The following SIPA1L1 variants were observed in gnomAD, a reference collection of about 807,000 sequenced individuals.
The protein encoded by SIPA1L1 is signal-induced proliferation-associated 1-like protein 1.
A neutral mutation model predicts 162.7 loss-of-function variants in SIPA1L1; 26 were observed. The observed-to-expected ratio is 0.16, with a 90% CI of 0.12 to 0.22. The LOEUF is 0.22. SIPA1L1 is among the 10% of genes least tolerant of loss of function. The probability of loss-of-function intolerance (pLI) is 1.00; values close to 1 mark genes in which losing one functional copy is unlikely to be tolerated. For missense variants in SIPA1L1, 1,874 were observed against 2,241.0 expected (o/e 0.84, Z 3.31); for synonymous variants, 829 against 837.4 (o/e 0.99, Z 0.17).
intron 7 of SIPA1L1, among the ~76,000 whole-genome samples, chr14:71,636,976 G>T (rs561300905): frequency 6.6e-6 from 1 of 151,274 alleles, no homozygotes; most frequent in South Asian, 2.1e-4. Context: ...ATTTGAACCC[G>T]GGAGGCAGGG....
intron 4 of SIPA1L1, chr14:71,586,159 C>CCACA (rs2034570564): frequency 1.3e-5 from 2 of 151,790 alleles, no homozygotes; most frequent in South Asian, 4.2e-4. Context: ...CTGAATGGCT[C>CCACA]CACAGACTCA....
At chr14:71,591,747 G>T (rs1371366850) in intron 5 of SIPA1L1, among the ~76,000 whole-genome samples, 1 of 152,174 alleles carries the variant, frequency 6.6e-6, no homozygotes, top group Non-Finnish European at 1.5e-5. Context: ...ATTCTTAATT[G>T]TGTTAATAGG....
chr14:71,593,217 T>A (rs757507806), intron 5 of SIPA1L1, among the ~76,000 whole-genome samples: 37 of 151,954 alleles, frequency 2.4e-4, no homozygotes, highest in Non-Finnish European at 4.3e-4. Flanking sequence ...ATTTATTTAT[T>A]TATTTATTTA....
chr14:71,722,696 C>T (rs948747643), intron 17 of SIPA1L1, among the ~76,000 whole-genome samples: 1 of 152,164 alleles, frequency 6.6e-6, no homozygotes, highest in Non-Finnish European at 1.5e-5. Flanking sequence ...TCTTGAAACC[C>T]CAGAGTTTTG....
At chr14:71,656,977 G>A (rs2043111373) in intron 8 of SIPA1L1, among the ~76,000 whole-genome samples, 1 of 152,222 alleles carries the variant, frequency 6.6e-6, no homozygotes, top group African/African-American at 2.4e-5. Flanking sequence ...CAGAACTACT[G>A]TTGCCTTTTG....
At chr14:71,328,863 A>G (rs1408912699) in intron 2 of SIPA1L1, among the ~76,000 whole-genome samples, 4 of 152,212 alleles carry the variant, frequency 2.6e-5, no homozygotes, top group Non-Finnish European at 4.4e-5. Context: ...TCACCTTGTC[A>G]TGAAACAGAT....
In SIPA1L1 at chr14:71,622,250, A is replaced by G. The variant is rs187314941; in HGVS notation, c.1630-1798A>G. On this transcript the variant is annotated intron_variant, in intron 6 of 23. Transcript: ENST00000381232. ...CATTGCAAAACATAAAAGAAGATAT[A>G]TACCTTTGTAGGCATGGCAGTTTGT... Among the ~76,000 whole-genome samples the G allele has an allele frequency of 7.8e-4, 119 of 152,382 alleles. 1 individual carries two copies. Among genetic ancestry groups the G allele is most frequent in the African/African-American group, 2.6e-3 (107 of 41,584 alleles).
intron 12 of SIPA1L1, among the ~76,000 whole-genome samples, chr14:71,679,801 G>C (rs2045608842): frequency 6.6e-6 from 1 of 152,130 alleles, no homozygotes. Flanking sequence ...TGATAAAACA[G>C]ACTTTAAACC....
chr14:71,391,400 C>T (rs542452125), intron 2 of SIPA1L1, among the ~76,000 whole-genome samples: 31 of 152,298 alleles, frequency 2.0e-4, no homozygotes, highest in South Asian at 2.1e-4. Flanking sequence ...ACACCGCTCC[C>T]GGCCGCATTC....
rs866790456 is a variant in SIPA1L1, at chr14:71,587,470, C to G, written c.-302-101C>G. On this transcript the variant is annotated intron_variant, in intron 4 of 23. Coordinates refer to ENST00000381232, the MANE Select transcript of SIPA1L1 (RefSeq NM_001386936.1). ...GATTGTGGAACTGTGAATCCTAATCCATTATTGAGTCTTTTATCTTCATGT... is the reference window on the plus strand; with the variant it reads ...GATTGTGGAACTGTGAATCCTAATCGATTATTGAGTCTTTTATCTTCATGT... The G allele has an allele frequency of 1.3e-5, 5 of 397,710 alleles. No homozygotes were observed. In the South Asian group the frequency reaches 6.6e-4, roughly 53 times the overall value. The allele number at this position is 397,710 out of a possible 1,614,324, so 24.6% of individuals were successfully genotyped here. A position where few individuals can be genotyped will look rare whatever the true frequency, so the allele number is the denominator to read the frequency against.
In SIPA1L1 at chr14:71,544,330, A is replaced by G. The variant is rs898665601; in HGVS notation, c.-303+14960A>G. Among the ~76,000 whole-genome samples the G allele has an allele frequency of 2.6e-5, 4 of 151,608 alleles. No homozygotes were observed. The East Asian group carries it at 5.8e-4, about 22-fold the overall frequency. ...TGTATATACATATATGTATATACAT[A>G]TATCATGTGTGTGTATATACATGTA... On this transcript the variant is annotated intron_variant, in intron 4 of 23. Coordinates refer to ENST00000381232, the MANE Select transcript of SIPA1L1 (RefSeq NM_001386936.1).
At chr14:71,625,302 C>CTTT (rs550881711) in intron 7 of SIPA1L1, among the ~76,000 whole-genome samples, 2 of 142,648 alleles carry the variant, frequency 1.4e-5, no homozygotes, top group Non-Finnish European at 1.5e-5. Flanking sequence ...TCTCTCTTCT[C>CTTT]TTTTTTTTTT....
intron 14 of SIPA1L1, among the ~76,000 whole-genome samples, chr14:71,701,225 G>A (rs2082078806): frequency 6.6e-6 from 1 of 151,856 alleles, no homozygotes; most frequent in South Asian, 2.1e-4. Flanking sequence ...TTTATCTCCT[G>A]CCTTTCTGTG....
intron 8 of SIPA1L1, among the ~76,000 whole-genome samples, chr14:71,654,069 A>G (rs2042859288): frequency 6.6e-6 from 1 of 152,212 alleles, no homozygotes; most frequent in African/African-American, 2.4e-5. Flanking sequence ...ATGCATTATC[A>G]TCATATTCAT....
At chr14:71,701,847 T>C (rs959696601) in intron 14 of SIPA1L1, among the ~76,000 whole-genome samples, 18 of 152,346 alleles carry the variant, frequency 1.2e-4, no homozygotes, top group African/African-American at 3.8e-4. Context: ...GAACGTGGTT[T>C]CTACATGATC....
chr14:71,483,602 C>T (rs556766492), intron 2 of SIPA1L1, among the ~76,000 whole-genome samples: 5 of 152,166 alleles, frequency 3.3e-5, no homozygotes, highest in Non-Finnish European at 7.3e-5. Flanking sequence ...GTTTCTGTAG[C>T]CTTATCCTTG....
intron 16 of SIPA1L1, among the ~76,000 whole-genome samples, chr14:71,708,148 T>C (rs2082611704): frequency 6.6e-6 from 1 of 151,664 alleles, no homozygotes; most frequent in Non-Finnish European, 1.5e-5. Flanking sequence ...TTTTCTTTTG[T>C]TTCATATGCT....
At chr14:71,599,741 A>G (rs775889977) in intron 5 of SIPA1L1, among the ~76,000 whole-genome samples, 6 of 152,210 alleles carry the variant, frequency 3.9e-5, no homozygotes, top group Middle Eastern at 3.4e-3. Flanking sequence ...TCAACAGTGT[A>G]TGAGTTCCCT....
In SIPA1L1 at chr14:71,616,475, C is replaced by T. The variant is rs113389840; in HGVS notation, c.1499-2282C>T. On this transcript the variant is annotated intron_variant, in intron 5 of 23. Transcript: ENST00000381232. Reference sequence around the variant, plus strand: ...GGAGTTGAGAATAAATGTGAGTTTACGGTAATTAAAGGATGATGGGAATTA... The same window carrying T: ...GGAGTTGAGAATAAATGTGAGTTTATGGTAATTAAAGGATGATGGGAATTA... Among the ~76,000 whole-genome samples, 119 of 148,518 alleles carry T rather than the reference C, an allele frequency of 8.0e-4. 1 individual carries two copies. Among genetic ancestry groups the T allele is most frequent in the African/African-American group, 2.9e-3 (116 of 40,120 alleles).
Sources: allele counts gnomAD v4.1 joint callset (sites outside exome capture counted in the v4.1 genomes callset), GRCh38; gene constraint gnomAD v4.1.1; transcripts MANE v1.5; gene names NCBI Gene and HGNC (gene_info 2026-07-23, HGNC 2026-07-21).